The following NYAP2 variants were observed in gnomAD, a reference collection of about 807,000 sequenced individuals.
NYAP2 encodes neuronal tyrosine-phosphorylated phosphoinositide-3-kinase adaptor 2, also known as neuronal tyrosine-phosphorylated phosphoinositide-3-kinase adapter 2.
NYAP2 carries 23 observed loss-of-function variants against 50.4 expected under a neutral mutation model. That is an observed-to-expected ratio of 0.46 (90% CI 0.33 to 0.65). The LOEUF (loss-of-function observed/expected upper bound fraction) is 0.65, where lower values mean the gene tolerates loss of function less well. Among genes scored for constraint, NYAP2 ranks in the 30% least tolerant of loss-of-function variants. The pLI is 0.02. For missense variants in NYAP2, 885 were observed against 861.0 expected (o/e 1.03, Z -0.35); for synonymous variants, 394 against 365.2 (o/e 1.08, Z -0.90).
chr2:225,524,977 G>GA (rs2106193477), intron 4 of NYAP2, among the ~76,000 whole-genome samples: 1 of 152,138 alleles, frequency 6.6e-6, no homozygotes, highest in East Asian at 1.9e-4. Flanking sequence ...ATAAACATAT[G>GA]AAAAAAATGT....
chr2:225,566,093 AC>A (rs1041893952), intron 4 of NYAP2, among the ~76,000 whole-genome samples: 7 of 152,176 alleles, frequency 4.6e-5, no homozygotes, highest in African/African-American at 1.7e-4. Context: ...TTATAATTGT[AC>A]CTACCTCATA....
intron 3 of NYAP2, among the ~76,000 whole-genome samples, chr2:225,483,694 C>T (rs1395391979): frequency 2.0e-5 from 3 of 152,080 alleles, no homozygotes; most frequent in Non-Finnish European, 4.4e-5. Context: ...TTCAGTTTTA[C>T]AGGGAGAATG....
intron 5 of NYAP2, among the ~76,000 whole-genome samples, chr2:225,619,597 G>A (rs1693054306): frequency 6.6e-6 from 1 of 152,126 alleles, no homozygotes; most frequent in Non-Finnish European, 1.5e-5. Context: ...AGTCTTCCTA[G>A]GTGGCCCAGG....
intron 3 of NYAP2, among the ~76,000 whole-genome samples, chr2:225,467,028 T>G (rs886708107): frequency 4.6e-5 from 7 of 152,136 alleles, no homozygotes; most frequent in Admixed American, 1.3e-4. Context: ...GACTTGGGGT[T>G]TTCTACGTTG....
intron 3 of NYAP2, among the ~76,000 whole-genome samples, chr2:225,416,426 A>T (rs1312822526): frequency 2.0e-5 from 3 of 152,160 alleles, no homozygotes; most frequent in Non-Finnish European, 2.9e-5. Flanking sequence ...AGTTAATCTA[A>T]GGAGTCCCCT....
chr2:225,476,334 A>G (rs1306843739), intron 3 of NYAP2, among the ~76,000 whole-genome samples: 1 of 150,932 alleles, frequency 6.6e-6, no homozygotes, highest in Non-Finnish European at 1.5e-5. Flanking sequence ...AACGGCGTGA[A>G]CCCGGGAGGC....
At chr2:225,482,966 T>C (rs1222564014) in intron 3 of NYAP2, among the ~76,000 whole-genome samples, 1 of 152,198 alleles carries the variant, frequency 6.6e-6, no homozygotes, top group Non-Finnish European at 1.5e-5. Context: ...CTGGTAAATA[T>C]TGTACTTCTT....
chr2:225,505,059 G>A (rs1690680361), intron 3 of NYAP2, among the ~76,000 whole-genome samples: 1 of 151,266 alleles, frequency 6.6e-6, no homozygotes, highest in South Asian at 2.1e-4. Flanking sequence ...ATAATATCTG[G>A]AACTAATGGA....
At chr2:225,544,233 T>TA (rs1294379865) in intron 4 of NYAP2, among the ~76,000 whole-genome samples, 18 of 151,428 alleles carry the variant, frequency 1.2e-4, no homozygotes, top group Admixed American at 5.3e-4. Flanking sequence ...TTTTTTTTTT[T>TA]ATCCATTGAG....
Position 225,582,320 on chromosome 2 carries a change from GCC to G in NYAP2, c.904_905del (p.Pro302Ter). The G allele has an allele frequency of 5.6e-6, 9 of 1,614,010 alleles. No homozygotes were observed. The highest frequency in any genetic ancestry group is 7.6e-6 in the Non-Finnish European group (9 of 1,179,892). ...CTTCGCAGTGTGCTACTCCCACGGT[GCC>G]TGACTTGGACTTCGCCAAGGCCTCA... On this transcript the variant is annotated frameshift_variant, in exon 5 of 7. Transcript: ENST00000636099. LOFTEE classifies it high-confidence loss of function. This position sits in a 1 kb window ranked among gnomAD's most constrained non-coding sequence, Gnocchi z 7.0.
At chr2:225,520,252 G>T (rs1691023385) in intron 4 of NYAP2, among the ~76,000 whole-genome samples, 2 of 151,892 alleles carry the variant, frequency 1.3e-5, no homozygotes, top group South Asian at 2.1e-4. Context: ...AGTTTCTTTT[G>T]CTGTGCAGAA....
intron 4 of NYAP2, among the ~76,000 whole-genome samples, chr2:225,542,653 G>A (rs1691497427): frequency 2.0e-5 from 3 of 152,068 alleles, no homozygotes; most frequent in Non-Finnish European, 4.4e-5. Flanking sequence ...TTTTTAATGT[G>A]TTGTTCAATT....
At chr2:225,558,790 G>C (rs147238317) in intron 4 of NYAP2, among the ~76,000 whole-genome samples, 11 of 152,246 alleles carry the variant, frequency 7.2e-5, no homozygotes, top group South Asian at 2.1e-4. Context: ...TCTACGATGA[G>C]AGGCATCACC....
chr2:225,535,552 G>A (rs141744621), intron 4 of NYAP2, among the ~76,000 whole-genome samples: 8 of 152,300 alleles, frequency 5.3e-5, no homozygotes, highest in Admixed American at 3.3e-4. Context: ...GAAAAAGAAG[G>A]TGAGACCCTG....
intron 3 of NYAP2, among the ~76,000 whole-genome samples, chr2:225,509,755 A>G (rs1690776551): frequency 6.6e-6 from 1 of 152,170 alleles, no homozygotes; most frequent in South Asian, 2.1e-4. Context: ...AAAGTGCTCA[A>G]TGGTTCATTG....
chr2:225,518,616 GC>G (rs1690985357), intron 4 of NYAP2, among the ~76,000 whole-genome samples: 1 of 132,392 alleles, frequency 7.6e-6, no homozygotes, highest in Admixed American at 7.9e-5. Context: ...TAGCTTGTGA[GC>G]TTATATATAT....
At chr2:225,630,831 G>T (rs2106260090) in intron 6 of NYAP2, among the ~76,000 whole-genome samples, 1 of 152,340 alleles carries the variant, frequency 6.6e-6, no homozygotes, top group South Asian at 2.1e-4. Flanking sequence ...GTCATTTACT[G>T]AGATAGAGAC....
At chr2:225,413,440 T>G (rs1695078259) in intron 3 of NYAP2, among the ~76,000 whole-genome samples, 1 of 152,194 alleles carries the variant, frequency 6.6e-6, no homozygotes, top group South Asian at 2.1e-4. Context: ...TGATCTAGTC[T>G]CAGTACTCAT....
intron 4 of NYAP2, among the ~76,000 whole-genome samples, chr2:225,533,625 G>A (rs1691297542): frequency 6.6e-6 from 1 of 152,060 alleles, no homozygotes; most frequent in Non-Finnish European, 1.5e-5. Context: ...AGGGGTGGAG[G>A]TTGCAGTGAG....
Sources: allele counts gnomAD v4.1 joint callset (sites outside exome capture counted in the v4.1 genomes callset), GRCh38; gene constraint gnomAD v4.1.1; non-coding constraint Gnocchi (gnomAD v3.1); transcripts MANE v1.5; gene names NCBI Gene and HGNC (gene_info 2026-07-23, HGNC 2026-07-21).